The following ADAMTS9 variants were observed in gnomAD, a reference collection of about 807,000 sequenced individuals.
ADAMTS9 encodes ADAM metallopeptidase with thrombospondin type 1 motif 9.
ADAMTS9 carries 107 observed loss-of-function variants against 257.1 expected under a neutral mutation model. The ratio of observed to expected loss-of-function variants is 0.42; its 90% confidence interval spans 0.36 to 0.49. The LOEUF (loss-of-function observed/expected upper bound fraction) is 0.49, where lower values mean the gene tolerates loss of function less well. ADAMTS9 is among the 20% of genes least tolerant of loss of function. The pLI, the probability that ADAMTS9 is intolerant of heterozygous loss-of-function variation, is 0.03. For missense variants in ADAMTS9, 2,353 were observed against 2,469.1 expected, an observed-to-expected ratio of 0.95 and a Z score of 1.00; for synonymous variants, 982 against 880.9, an observed-to-expected ratio of 1.11 and a Z score of -2.03.
At chr3:64,579,366 ATTAAT>A (rs1341022958) in intron 28 of ADAMTS9, among the ~76,000 whole-genome samples, 4 of 152,306 alleles carry the variant, frequency 2.6e-5, no homozygotes, top group South Asian at 2.1e-4. Context: ...CCTCCTTTTA[ATTAAT>A]TTAATTAAGC....
At chr3:64,523,801 C>A (rs767053730) in intron 38 of ADAMTS9, among the ~76,000 whole-genome samples, 11 of 152,146 alleles carry the variant, frequency 7.2e-5, no homozygotes, top group Non-Finnish European at 1.5e-4. Context: ...TACTACACAG[C>A]AATTTGATGG....
At chr3:64,578,410 T>C (rs1437264966) in intron 28 of ADAMTS9, among the ~76,000 whole-genome samples, 1 of 152,144 alleles carries the variant, frequency 6.6e-6, no homozygotes, top group African/African-American at 2.4e-5. Context: ...TAAAATTACA[T>C]TTGATGGTTT....
intron 11 of ADAMTS9, among the ~76,000 whole-genome samples, chr3:64,646,524 G>C (rs1303352909): frequency 5.9e-5 from 9 of 152,092 alleles, no homozygotes; most frequent in Non-Finnish European, 4.4e-5. Context: ...AAGCTATTAC[G>C]CTTGTATCCG....
intron 28 of ADAMTS9, among the ~76,000 whole-genome samples, chr3:64,572,964 G>A (rs1237147299): frequency 6.6e-6 from 1 of 151,788 alleles, no homozygotes; most frequent in Non-Finnish European, 1.5e-5. Context: ...TGTAGTTCCA[G>A]CTACTCAGGA....
intron 31 of ADAMTS9, among the ~76,000 whole-genome samples, chr3:64,548,520 G>A (rs893168588): frequency 1.3e-5 from 2 of 151,972 alleles, no homozygotes; most frequent in Non-Finnish European, 2.9e-5. Context: ...ACAAAGTTGT[G>A]CATTTGAGAG....
chr3:64,539,362 G>A (rs2106906982), intron 36 of ADAMTS9, 68 bp from the exon 37 acceptor site: 1 of 1,325,448 alleles, frequency 7.5e-7, no homozygotes, highest in East Asian at 2.3e-5. Context: ...GAAGGAACAG[G>A]ACATTAACAA....
intron 6 of ADAMTS9, among the ~76,000 whole-genome samples, chr3:64,654,977 C>T (rs563785459): frequency 1.9e-4 from 29 of 152,252 alleles, no homozygotes; most frequent in African/African-American, 7.0e-4. Context: ...TTTAAGAGGA[C>T]GTGCTCATGA....
chr3:64,568,673 A>C, intron 28 of ADAMTS9, 138 bp from the exon 29 acceptor site: 1 of 1,005,298 alleles, frequency 9.9e-7, no homozygotes, highest in Non-Finnish European at 1.5e-6. Flanking sequence ...AGTTTGGATA[A>C]TATCTCAAGG....
intron 3 of ADAMTS9, among the ~76,000 whole-genome samples, chr3:64,665,361 G>T (rs1701328022): frequency 6.6e-6 from 1 of 152,096 alleles, no homozygotes; most frequent in African/African-American, 2.4e-5. Context: ...ATTTGACCTT[G>T]GGCAAATAAC....
chr3:64,532,786 AAAAAG>A (rs2082999252), intron 38 of ADAMTS9, among the ~76,000 whole-genome samples: 2 of 152,348 alleles, frequency 1.3e-5, no homozygotes, highest in African/African-American at 4.8e-5. Flanking sequence ...TTTTCTAAAT[AAAAAG>A]AAGAGGTCAT....
chr3:64,522,683 C>T (rs78411436), intron 38 of ADAMTS9, among the ~76,000 whole-genome samples: 1,564 of 151,940 alleles, frequency 0.01, 54 homozygotes, highest in East Asian at 0.067. Flanking sequence ...TACTGCTTCT[C>T]GGTGCACAAC....
intron 16 of ADAMTS9, among the ~76,000 whole-genome samples, chr3:64,628,973 C>T (rs1700299703): frequency 6.6e-6 from 1 of 152,166 alleles, no homozygotes; most frequent in African/African-American, 2.4e-5. Flanking sequence ...CTCCATCCTT[C>T]CCATTGCTCA....
In ADAMTS9 at chr3:64,533,274, G is replaced by A. The variant is rs759493608; in HGVS notation, c.5614-4C>T. On this transcript the variant is annotated splice_polypyrimidine_tract_variant and splice_region_variant and intron_variant, in intron 37 of 39. Coordinates refer to ENST00000498707, the MANE Select transcript of ADAMTS9 (RefSeq NM_182920.2). ...AAAGGTTGATGCTAAAACGACCCTG[G>A]AAAACACGACCAACAAAAGAGATTT... The A allele has an allele frequency of 1.9e-6, 3 of 1,612,438 alleles. No homozygotes were observed. Among genetic ancestry groups the A allele is most frequent in the East Asian group, 2.2e-5 (1 of 44,872 alleles).
Position 64,561,619 on chromosome 3 carries a change from G to T in ADAMTS9, c.4657C>A (p.Arg1553=). The T allele has an allele frequency of 6.2e-7, 1 of 1,613,948 alleles. No individual in the cohort carries two copies. The highest frequency in any genetic ancestry group is 8.5e-7 in the Non-Finnish European group (1 of 1,179,944). The stretch of plus-strand genomic sequence containing the variant: ...GCCCTCCAAGTGTAGAGGGGACACC[G>T]TGGGCCTTGGCAGTCGCGTTCCGAC... ...PESERDCQGP[R]CPLYTWRAEE... is the part of the protein sequence containing the mutation. Residue 1553 remains arginine, a synonymous_variant, in exon 30 of 40, where the codon CGG becomes AGG. Coordinates refer to ENST00000498707, the MANE Select transcript of ADAMTS9 (RefSeq NM_182920.2).
chr3:64,663,317 A>C (rs145881667), intron 3 of ADAMTS9, among the ~76,000 whole-genome samples: 118 of 152,248 alleles, frequency 7.8e-4, no homozygotes, highest in African/African-American at 2.8e-3. Flanking sequence ...AAGTTTGTGA[A>C]AAGTAAATAA....
chr3:64,676,441 T>C (rs1218189407), intron 3 of ADAMTS9, among the ~76,000 whole-genome samples: 1 of 152,174 alleles, frequency 6.6e-6, no homozygotes, highest in Non-Finnish European at 1.5e-5. Context: ...CTAGTAACCA[T>C]AAATAATCAC....
At chr3:64,635,788 GAGATGCAGAATGGGTTTCCT>G (rs1700481162) in intron 12 of ADAMTS9, among the ~76,000 whole-genome samples, 1 of 151,690 alleles carries the variant, frequency 6.6e-6, no homozygotes. Context: ...GTGCCATTTA[GAGATGCAGAATGGGTTTCCT>G]AGATCCAAGC....
chr3:64,662,889 T>C (rs900667934), intron 3 of ADAMTS9, among the ~76,000 whole-genome samples: 2 of 152,166 alleles, frequency 1.3e-5, no homozygotes, highest in South Asian at 2.1e-4. Context: ...CACATAAGTA[T>C]TTAACACAAA....
At chr3:64,606,850 C>A in intron 23 of ADAMTS9, 110 bp downstream of exon 23, 1 of 1,343,018 alleles carries the variant, frequency 7.4e-7, no homozygotes, top group South Asian at 1.4e-5. Flanking sequence ...CTACTGGTTG[C>A]TCTACTGACA....
Sources: allele counts gnomAD v4.1 joint callset (sites outside exome capture counted in the v4.1 genomes callset), GRCh38; gene constraint gnomAD v4.1.1; transcripts MANE v1.5; gene names NCBI Gene and HGNC (gene_info 2026-07-23, HGNC 2026-07-21).